The following YPEL2 variants were observed in gnomAD, a reference collection of about 807,000 sequenced individuals.
YPEL2 encodes protein yippee-like 2.
Under a neutral mutation model 19.1 loss-of-function variants are expected in YPEL2, and 2 were observed. The ratio of observed to expected loss-of-function variants is 0.10; its 90% CI spans 0.04 to 0.33. The LOEUF (loss-of-function observed/expected upper bound fraction) is 0.33. YPEL2 is among the 10% of genes least tolerant of loss of function. The probability of loss-of-function intolerance (pLI) is 1.00; values close to 1 mark genes in which losing one functional copy is unlikely to be tolerated. For synonymous variants in YPEL2, 52 were observed against 50.0 expected (o/e 1.04, Z -0.17); for missense variants, 66 against 140.7 (o/e 0.47, Z 2.68).
At chr17:59,389,219 G>T in intron 3 of YPEL2, 141 bp from the exon 4 acceptor site, 1 of 625,374 alleles carries the variant, frequency 1.6e-6, no homozygotes, top group East Asian at 2.8e-5. Context: ...CACCTTTTGG[G>T]GATTGGTTTA....
chr17:59,384,743 G>T (rs1309639644), intron 2 of YPEL2, among the ~76,000 whole-genome samples: 1 of 152,172 alleles, frequency 6.6e-6, no homozygotes, highest in African/African-American at 2.4e-5. Flanking sequence ...CACCTTGCTG[G>T]GATACCACTG....
intron 1 of YPEL2, among the ~76,000 whole-genome samples, chr17:59,338,460 C>A (rs556515291): frequency 6.6e-6 from 1 of 152,154 alleles, no homozygotes; most frequent in Admixed American, 6.5e-5. Flanking sequence ...AGTGTAGGCA[C>A]GGAACAGATC....
rs756419896 is a variant in YPEL2 at position 59,397,241 on chromosome 17, A to T, written c.*51A>T. ...GTCCACGTGAACGCCATTCAACCGAACATTCTTCCCAAGCGTGAGAGAGTG... is the reference window on the plus strand; with the variant it reads ...GTCCACGTGAACGCCATTCAACCGATCATTCTTCCCAAGCGTGAGAGAGTG... On this transcript the variant is annotated 3_prime_UTR_variant, in exon 5 of 5. Coordinates refer to ENST00000312655, the MANE Select transcript of YPEL2 (RefSeq NM_001005404.4). 5 of 1,427,632 alleles carry T rather than the reference A, an allele frequency of 3.5e-6. No homozygotes were observed. In the Admixed American group the frequency reaches 6.2e-5, roughly 18 times the overall value. 88.4% of individuals were successfully genotyped at this position (1,427,632 alleles called of 1,614,324 possible). A position where few individuals can be genotyped will look rare whatever the true frequency, so the allele number is the denominator to read the frequency against.
In YPEL2 at chr17:59,400,358, A is replaced by ATATATTTGGTGCTG. The variant is rs2048064285; in HGVS notation, c.*3170_*3183dup. On this transcript the variant is annotated 3_prime_UTR_variant, in exon 5 of 5. Coordinates refer to ENST00000312655, the MANE Select transcript of YPEL2 (RefSeq NM_001005404.4). The stretch of plus-strand genomic sequence containing the variant: ...TAAATAATATTTAATTTTTTAAATA[A>ATATATTTGGTGCTG]TATATTTGGTGCTGTTTTCTCAGAT... 1 of 152,604 alleles carries ATATATTTGGTGCTG rather than the reference A, an allele frequency of 6.6e-6. No individual in the cohort carries two copies. The highest frequency in any genetic ancestry group is 1.5e-5 in the Non-Finnish European group (1 of 68,042). The allele number at this position is 152,604 out of a possible 1,614,324, so 9.5% of individuals were successfully genotyped here.
At chr17:59,372,012 A>G (rs1206709912) in intron 2 of YPEL2, among the ~76,000 whole-genome samples, 1 of 152,106 alleles carries the variant, frequency 6.6e-6, no homozygotes, top group Admixed American at 6.5e-5. Flanking sequence ...TATAGGAATT[A>G]TTACATTATG....
chr17:59,387,612 G>A (rs1370602566), intron 2 of YPEL2, among the ~76,000 whole-genome samples: 1 of 152,154 alleles, frequency 6.6e-6, no homozygotes, highest in Non-Finnish European at 1.5e-5. Context: ...TGCATGGCAG[G>A]CTCTGGCTCC....
intron 2 of YPEL2, among the ~76,000 whole-genome samples, chr17:59,377,513 G>A (rs186020341): frequency 3.2e-4 from 48 of 152,238 alleles, no homozygotes; most frequent in Non-Finnish European, 5.7e-4. Context: ...TCTGATCATG[G>A]GCATCCCCCA....
intron 2 of YPEL2, among the ~76,000 whole-genome samples, chr17:59,385,862 C>T (rs2047977312): frequency 1.3e-5 from 2 of 152,184 alleles, no homozygotes. Flanking sequence ...ATTTAGTTGA[C>T]TCAGAATATT....
chr17:59,343,697 C>G (rs928518671), intron 1 of YPEL2, among the ~76,000 whole-genome samples: 5 of 152,054 alleles, frequency 3.3e-5, no homozygotes, highest in Admixed American at 2.0e-4. Flanking sequence ...GAGGTGATGA[C>G]AATATAAGGA....
intron 2 of YPEL2, among the ~76,000 whole-genome samples, chr17:59,386,355 G>A (rs1436496606): frequency 6.6e-6 from 1 of 151,920 alleles, no homozygotes; most frequent in Non-Finnish European, 1.5e-5. Flanking sequence ...GAAAGAAAAA[G>A]GAAATGCAGG....
chr17:59,366,835 C>T (rs1031961041), intron 2 of YPEL2, among the ~76,000 whole-genome samples: 2 of 152,144 alleles, frequency 1.3e-5, no homozygotes, highest in Non-Finnish European at 2.9e-5. Flanking sequence ...AAGCTCGAAG[C>T]CCCCATATTT....
chr17:59,375,842 A>T (rs1174332087), intron 2 of YPEL2, among the ~76,000 whole-genome samples: 5 of 152,216 alleles, frequency 3.3e-5, no homozygotes. Flanking sequence ...ATAAGTTCTA[A>T]CAGAGTGAGC....
In YPEL2 at chr17:59,399,395, T is replaced by G. The variant is rs1447564367; in HGVS notation, c.*2205T>G. The G allele has an allele frequency of 6.6e-6, 1 of 152,214 alleles. No homozygotes were observed. Among genetic ancestry groups the G allele is most frequent in the Non-Finnish European group, 1.5e-5 (1 of 68,040 alleles). The allele number at this position is 152,214 out of a possible 1,614,324, so 9.4% of individuals were successfully genotyped here. Reference sequence around the variant, plus strand: ...TTTGTCTTTCAAACTACAAATGGAATGTGGTGACATAAACTAGACATGGGG... The same window carrying G: ...TTTGTCTTTCAAACTACAAATGGAAGGTGGTGACATAAACTAGACATGGGG... On this transcript the variant is annotated 3_prime_UTR_variant, in exon 5 of 5. Coordinates refer to ENST00000312655, the MANE Select transcript of YPEL2 (RefSeq NM_001005404.4).
At chr17:59,360,400 C>T (rs1340231432) in intron 2 of YPEL2, among the ~76,000 whole-genome samples, 2 of 152,184 alleles carry the variant, frequency 1.3e-5, no homozygotes, top group Admixed American at 6.5e-5. Flanking sequence ...TCTTAGACAT[C>T]ACTTCTAAGC....
chr17:59,376,050 T>C (rs1881088690), intron 2 of YPEL2, among the ~76,000 whole-genome samples: 1 of 152,224 alleles, frequency 6.6e-6, no homozygotes, highest in South Asian at 2.1e-4. Flanking sequence ...TGAAAGTGTT[T>C]TGCATATTCT....
intron 1 of YPEL2, among the ~76,000 whole-genome samples, chr17:59,336,873 T>C (rs2047701112): frequency 6.6e-6 from 1 of 152,240 alleles, no homozygotes; most frequent in African/African-American, 2.4e-5. Flanking sequence ...GCAAGCTGAC[T>C]GCTGCCCAAC....
intron 2 of YPEL2, chr17:59,355,627 T>C (rs970112056): frequency 1.3e-5 from 2 of 152,202 alleles, no homozygotes; most frequent in Admixed American, 1.3e-4. Context: ...CTCTTTCTTA[T>C]ACATCCTTGG....
intron 4 of YPEL2, among the ~76,000 whole-genome samples, chr17:59,394,392 C>G (rs1198864321): frequency 1.4e-5 from 2 of 138,674 alleles, no homozygotes; most frequent in Non-Finnish European, 3.1e-5. Flanking sequence ...GGGGCAGAGG[C>G]GCTCCCCACA....
Position 59,353,863 on chromosome 17 carries a change from C to G in YPEL2, c.117+337C>G. On this transcript the variant is annotated intron_variant, in intron 2 of 4. Coordinates refer to ENST00000312655, the MANE Select transcript of YPEL2 (RefSeq NM_001005404.4). This position sits in a 1 kb window ranked among gnomAD's most constrained non-coding sequence, Gnocchi z 4.8. ...GGCGGACGAAGAGTGAAGAGTGCTC[C>G]CTGCTCAGAAGGTGAATTCTGATAA... 1 of 350,614 alleles carries G rather than the reference C, an allele frequency of 2.9e-6. No homozygotes were observed. The highest frequency in any genetic ancestry group is 2.3e-5 in the South Asian group (1 of 44,088). 21.7% of individuals were successfully genotyped at this position (350,614 alleles called of 1,614,324 possible).
Sources: gnomAD v4.1 joint callset for allele counts (sites outside exome capture counted in the v4.1 genomes callset) on GRCh38, gnomAD v4.1.1 for gene constraint, Gnocchi (gnomAD v3.1) non-coding constraint, MANE v1.5 for transcripts, NCBI Gene and HGNC (gene_info 2026-07-23, HGNC 2026-07-21) for gene names.